CARNMT1: variants seen among roughly 807,000 people sequenced by gnomAD.
CARNMT1 encodes the protein protein-L-histidine N-pros-methyltransferase CARNMT1.
A neutral mutation model predicts 49.6 loss-of-function variants in CARNMT1; 28 were observed. The observed-to-expected ratio is 0.56, with a 90% CI of 0.42 to 0.77. The LOEUF (loss-of-function observed/expected upper bound fraction) is 0.77. Ranked by LOEUF, CARNMT1 falls within the 30% of genes least tolerant of loss-of-function variation. CARNMT1 has a pLI of 0.00. For missense variants in CARNMT1, 421 were observed against 512.6 expected, an observed-to-expected ratio of 0.82 and a Z score of 1.73; for synonymous variants, 178 against 175.0, an observed-to-expected ratio of 1.02 and a Z score of -0.13.
intron 3 of CARNMT1, among the ~76,000 whole-genome samples, chr9:75,003,476 G>C (rs1833421129): frequency 6.6e-6 from 1 of 152,210 alleles, no homozygotes. Context: ...CCTGCAACAA[G>C]GCGCTAAGCA....
In CARNMT1 at chr9:74,982,744, T is replaced by A. The variant is rs1157258061; in HGVS notation, c.*1023A>T. 6.6e-6 allele frequency: 1 copy of A among 152,210 alleles called. No homozygotes were observed. The highest frequency in any genetic ancestry group is 1.5e-5 in the Non-Finnish European group (1 of 68,038). 9.4% of individuals were successfully genotyped at this position (152,210 alleles called of 1,614,324 possible). On this transcript the variant is annotated 3_prime_UTR_variant, in exon 8 of 8. Coordinates refer to ENST00000376834, the MANE Select transcript of CARNMT1 (RefSeq NM_152420.3). ...AGACATTATTGTAAACATCACACTG[T>A]CAAACTCTGTATTCATTTAGAGTCT...
At chr9:74,992,591 T>C (rs1407853706) in intron 6 of CARNMT1, among the ~76,000 whole-genome samples, 1 of 152,200 alleles carries the variant, frequency 6.6e-6, no homozygotes, top group Non-Finnish European at 1.5e-5. Flanking sequence ...AGGCATTCTT[T>C]TGTTCTTTGC....
At chr9:75,012,683 G>A (rs1833731087) in intron 3 of CARNMT1, among the ~76,000 whole-genome samples, 1 of 151,922 alleles carries the variant, frequency 6.6e-6, no homozygotes, top group South Asian at 2.1e-4. Flanking sequence ...GGGTTACAGA[G>A]TTTGCACGGC....
In CARNMT1 at chr9:75,012,801, C is replaced by T. The variant is rs927959807; in HGVS notation, c.590+3467G>A. Among the ~76,000 whole-genome samples the T allele has an allele frequency of 5.3e-5, 8 of 151,536 alleles. No individual in the cohort carries two copies. In the East Asian group the frequency reaches 5.9e-4, roughly 11 times the overall value. ...GGCGTCGTGGCGGGCGTCTGTAGTC[C>T]TAGCTACTCGGGAGGCTGAGGCAGC... On this transcript the variant is annotated intron_variant, in intron 3 of 7. Coordinates refer to ENST00000376834, the MANE Select transcript of CARNMT1 (RefSeq NM_152420.3).
At chr9:75,005,505 C>T (rs1833477876) in intron 3 of CARNMT1, among the ~76,000 whole-genome samples, 1 of 146,180 alleles carries the variant, frequency 6.8e-6, no homozygotes. Context: ...GACGGAGTCT[C>T]GCTGTCACCC....
At chr9:74,992,682 G>A (rs1210175581) in intron 6 of CARNMT1, among the ~76,000 whole-genome samples, 1 of 152,168 alleles carries the variant, frequency 6.6e-6, no homozygotes, top group Non-Finnish European at 1.5e-5. Flanking sequence ...ACTGGGTAGT[G>A]TTAAAGAGTC....
chr9:75,028,074 C>A lies in CARNMT1; in HGVS notation c.168G>T (p.Glu56Asp). The stretch of plus-strand genomic sequence containing the variant: ...GCTCACGCTCAAGCCTCTCCTCCTC[C>A]TCCTCGGTGCTGCGCGTGGCCGCCG... ...AAAAATRSTE[E>D]EEERLEREHF... is the part of the protein sequence containing the mutation. The change falls in exon 1 of 8, where the codon GAG becomes GAT. Residue 56 changes from glutamate to aspartate, a missense_variant. By Grantham distance (45) the Glu-to-Asp change is conservative. Around this residue, in one of 2 missense-constraint regions of CARNMT1, gnomAD observed 186 missense variants for 167.9 expected, o/e 1.11. Transcript: ENST00000376834. The A allele has an allele frequency of 1.3e-6, 2 of 1,574,020 alleles. No homozygotes were observed. Among genetic ancestry groups the A allele is most frequent in the East Asian group, 2.5e-5 (1 of 40,582 alleles).
At chr9:75,014,035 A>C (rs575727996) in intron 3 of CARNMT1, among the ~76,000 whole-genome samples, 20 of 151,218 alleles carry the variant, frequency 1.3e-4, no homozygotes, top group African/African-American at 4.1e-4. Flanking sequence ...AAAAAAAAAA[A>C]AAAAAACCCC....
chr9:74,985,097 G>A (rs1011377380), intron 6 of CARNMT1, 87 bp from the exon 7 acceptor site: 2 of 972,612 alleles, frequency 2.1e-6, no homozygotes, highest in South Asian at 2.9e-5. Flanking sequence ...AGTAAGTTAG[G>A]TACTGGATGA....
chr9:74,986,683 C>T (rs1358026229), intron 6 of CARNMT1, among the ~76,000 whole-genome samples: 1 of 152,132 alleles, frequency 6.6e-6, no homozygotes, highest in Admixed American at 6.6e-5. Flanking sequence ...ATGGTGTGTT[C>T]CACCTAGAAA....
chr9:75,000,000 C>A (rs1833307312), intron 3 of CARNMT1, 130 bp from the exon 4 acceptor site: 4 of 693,838 alleles, frequency 5.8e-6, no homozygotes, highest in East Asian at 2.8e-5. Context: ...TTCTCACAAT[C>A]AAGAAATACT....
chr9:74,999,436 T>C (rs1325571297), intron 4 of CARNMT1, among the ~76,000 whole-genome samples: 1 of 152,178 alleles, frequency 6.6e-6, no homozygotes, highest in Admixed American at 6.5e-5. Context: ...TTAGAAATAC[T>C]CCTTCCTGGT....
At chr9:75,002,530 T>C (rs1833391562) in intron 3 of CARNMT1, among the ~76,000 whole-genome samples, 2 of 152,144 alleles carry the variant, frequency 1.3e-5, no homozygotes, top group African/African-American at 4.8e-5. Context: ...CAAAAAGGAA[T>C]GAAAAACATC....
intron 3 of CARNMT1, among the ~76,000 whole-genome samples, chr9:75,004,023 G>A (rs1304938855): frequency 1.3e-5 from 2 of 152,180 alleles, no homozygotes; most frequent in African/African-American, 4.8e-5. Flanking sequence ...CTACAGGCCC[G>A]TGCCACCACA....
chr9:75,023,433 T>C (rs150974989), intron 1 of CARNMT1, among the ~76,000 whole-genome samples: 3 of 152,310 alleles, frequency 2.0e-5, no homozygotes, highest in African/African-American at 7.2e-5. Flanking sequence ...ATATCAAGGT[T>C]GCAAGGGTGA....
At chr9:74,990,865 A>T (rs1315825750) in intron 6 of CARNMT1, among the ~76,000 whole-genome samples, 3 of 152,178 alleles carry the variant, frequency 2.0e-5, no homozygotes, top group African/African-American at 7.2e-5. Context: ...TACACCTGTA[A>T]GGCTCTAAAA....
At chr9:75,012,759 A>T (rs1833734863) in intron 3 of CARNMT1, among the ~76,000 whole-genome samples, 2 of 133,604 alleles carry the variant, frequency 1.5e-5, no homozygotes, top group South Asian at 4.9e-4. Context: ...TAAAAATATA[A>T]AAAAAAAAAT....
chr9:75,027,879 T>G, intron 1 of CARNMT1, 133 bp downstream of exon 1: 1 of 1,019,732 alleles, frequency 9.8e-7, no homozygotes, highest in Non-Finnish European at 1.3e-6. Context: ...GGCCCGGAGG[T>G]CAGCTGCAGC....
intron 3 of CARNMT1, among the ~76,000 whole-genome samples, chr9:75,011,029 AC>A (rs1474030982): frequency 1.3e-5 from 2 of 152,278 alleles, no homozygotes; most frequent in South Asian, 2.1e-4. Context: ...AAAAAAAAAA[AC>A]ATGTAACATG....
Sources: allele counts gnomAD v4.1 joint callset (sites outside exome capture counted in the v4.1 genomes callset), GRCh38; gene constraint gnomAD v4.1.1; regional missense constraint gnomAD v4.1.1; transcripts MANE v1.5; gene names NCBI Gene and HGNC (gene_info 2026-07-23, HGNC 2026-07-21).